The following ADAR variants were observed in gnomAD, a reference collection of about 807,000 sequenced individuals.
ADAR encodes the protein adenosine deaminase RNA specific, also known as double-stranded RNA-specific adenosine deaminase.
Under a neutral mutation model 113.2 loss-of-function variants are expected in ADAR, and 41 were observed. The observed-to-expected ratio is 0.36, with a 90% CI of 0.28 to 0.47. The LOEUF (loss-of-function observed/expected upper bound fraction) is 0.47, where lower values mean the gene tolerates loss of function less well. ADAR is among the 20% of genes least tolerant of loss of function. The pLI, the probability that ADAR is intolerant of heterozygous loss-of-function variation, is 1.00. For missense variants in ADAR, 1,242 were observed against 1,540.9 expected, an observed-to-expected ratio of 0.81 and a Z score of 3.25; for synonymous variants, 605 against 572.6, an observed-to-expected ratio of 1.06 and a Z score of -0.81.
chr1:154,627,906 C>T lies in ADAR; in HGVS notation c.-922G>A, dbSNP rs114277815. ...GCCGGACACCCGGAGACTGCCAGTG[C>T]GGCCGCGACCCTCCCCCCACCCTCC... On this transcript the variant is annotated 5_prime_UTR_variant, in exon 1 of 15. Coordinates refer to the ADAR transcript ENST00000368471. 1,783 of 518,182 alleles carry T rather than the reference C, an allele frequency of 3.4e-3. 28 individuals carry two copies. Among genetic ancestry groups the T allele is most frequent in the African/African-American group, 0.032 (1,643 of 51,976 alleles). The allele number at this position is 518,182 out of a possible 1,614,324, so 32.1% of individuals were successfully genotyped here.
intron 1 of ADAR, among the ~76,000 whole-genome samples, chr1:154,623,609 A>G (rs1557906800): frequency 6.6e-6 from 1 of 152,142 alleles, no homozygotes; most frequent in African/African-American, 2.4e-5. Context: ...TGGTCTCCCT[A>G]TTTCCTTGTC....
chr1:154,611,991 C>A (rs1039557154), upstream of ADAR, among the ~76,000 whole-genome samples: 1 of 152,188 alleles, frequency 6.6e-6, no homozygotes, highest in Admixed American at 6.5e-5. Flanking sequence ...CCCTGCTATT[C>A]TTGCTTTTTA....
chr1:154,585,086 G>C, intron 14 of ADAR, 43 bp from the exon 15 acceptor site: 1 of 1,612,166 alleles, frequency 6.2e-7, no homozygotes, highest in Non-Finnish European at 8.5e-7. Context: ...GGACCTGTAA[G>C]ATAAGGAGCT....
intron 6 of ADAR, among the ~76,000 whole-genome samples, chr1:154,596,052 G>A (rs569494687): frequency 2.6e-5 from 4 of 152,286 alleles, no homozygotes; most frequent in Admixed American, 2.0e-4. Flanking sequence ...CAGCCTGTAC[G>A]TGTGTAGGAG....
chr1:154,597,134 A>G lies in ADAR; in HGVS notation c.2068T>C (p.Ser690Pro), dbSNP rs1352917778. The change falls in exon 5 of 15, where the codon TCT becomes CCT. Residue 690 changes from serine (S) to proline (P), a missense_variant. Ser to Pro is a moderately conservative substitution (Grantham distance 74). This residue lies in a region of ADAR where 780 missense variants were observed against 1,057.9 expected (regional missense o/e 0.74). Coordinates refer to ENST00000368474, the MANE Select transcript of ADAR (RefSeq NM_001111.5). The stretch of plus-strand genomic sequence containing the variant: ...GGAAAACGCCCTACCTGGTTATCAG[A>G]AGCCATGGAGTTGGTCGCCTCCCCA... ...LHGEATNSMASDNQPEGMISE... is the reference protein window; with the variant it reads ...LHGEATNSMAPDNQPEGMISE... 5.6e-6 allele frequency: 9 copies of G among 1,614,214 alleles called. No homozygotes were observed. Among genetic ancestry groups the G allele is most frequent in the Non-Finnish European group, 7.6e-6 (9 of 1,180,038 alleles).
chr1:154,605,651 C>T (rs1322184480), intron 1 of ADAR, among the ~76,000 whole-genome samples: 2 of 152,176 alleles, frequency 1.3e-5, no homozygotes, highest in Admixed American at 1.3e-4. Flanking sequence ...TGATTCTCAA[C>T]AAACATTTGT....
chr1:154,612,438 C>T (rs375848567), upstream of ADAR, among the ~76,000 whole-genome samples: 46 of 148,018 alleles, frequency 3.1e-4, no homozygotes, highest in African/African-American at 1.1e-3. Context: ...CGCCATTCTC[C>T]TGCCTCAGCC....
At chr1:154,622,155 A>AT (rs1336828038) in intron 1 of ADAR, among the ~76,000 whole-genome samples, 1 of 152,104 alleles carries the variant, frequency 6.6e-6, no homozygotes, top group Non-Finnish European at 1.5e-5. Context: ...TGAGCCACTG[A>AT]TTCCCCACCT....
chr1:154,589,736 A>G, intron 8 of ADAR, 21 bp downstream of exon 8: 1 of 1,614,098 alleles, frequency 6.2e-7, no homozygotes, highest in Non-Finnish European at 8.5e-7. Flanking sequence ...GGGAGGCGGC[A>G]TGTCTCAGAG....
At chr1:154,598,184 C>A (rs74638504) in intron 3 of ADAR, among the ~76,000 whole-genome samples, 19 of 152,130 alleles carry the variant, frequency 1.2e-4, no homozygotes, top group Non-Finnish European at 2.4e-4. Flanking sequence ...CTTTCAAGTC[C>A]GAAATTCTGT....
exon 1 of ADAR, chr1:154,627,856 G>T (rs747574192): frequency 1.9e-6 from 1 of 517,754 alleles, no homozygotes; most frequent in East Asian, 5.5e-5. Context: ...GGCTCTTACC[G>T]GGTCTTGCAC....
chr1:154,621,805 T>A (rs1481635604), intron 1 of ADAR, among the ~76,000 whole-genome samples: 1 of 152,220 alleles, frequency 6.6e-6, no homozygotes, highest in African/African-American at 2.4e-5. Flanking sequence ...AAATCAGGAC[T>A]AAGCACTACA....
intron 3 of ADAR, 103 bp downstream of exon 3, chr1:154,598,299 G>A (rs570512588): frequency 9.4e-5 from 121 of 1,293,804 alleles, no homozygotes; most frequent in African/African-American, 1.9e-4. Context: ...AGCTGACTCC[G>A]AGATGGTGTC....
chr1:154,602,766 G>GCCAA, intron 1 of ADAR, 140 bp from the exon 2 acceptor site: 3 of 1,075,878 alleles, frequency 2.8e-6, no homozygotes, highest in Non-Finnish European at 3.9e-6. Context: ...GACTTGGCTA[G>GCCAA]GGTGACTTGC....
intron 14 of ADAR, 85 bp downstream of exon 14, chr1:154,585,132 C>G: frequency 1.2e-6 from 2 of 1,613,474 alleles, no homozygotes; most frequent in Non-Finnish European, 1.7e-6. Flanking sequence ...AGGCGGCTCT[C>G]AAGCCCTGAG....
chr1:154,584,979 A>G lies in ADAR; in HGVS notation c.3508T>C (p.Ser1170Pro), dbSNP rs1421337670. Residue 1170 changes from serine (S) to proline (P), a missense_variant, in exon 15 of 15, where the codon TCC becomes CCC. Around this residue, in one of 2 missense-constraint regions of ADAR, gnomAD observed 780 missense variants for 1,057.9 expected, o/e 0.74. Transcript: ENST00000368474. ...AGTAGATCCCTGCGGTAACGGAAGG[A>G]GCAGAGCTTCTTAAATAGAAGAAAA... Reference protein sequence around the residue: ...NIFLLFKKLCSFRYRRDLLRL... With the variant: ...NIFLLFKKLCPFRYRRDLLRL... The G allele has an allele frequency of 1.2e-6, 2 of 1,614,206 alleles. No individual in the cohort carries two copies. The highest frequency in any genetic ancestry group is 1.7e-6 in the Non-Finnish European group (2 of 1,180,036).
intron 7 of ADAR, 49 bp downstream of exon 7, chr1:154,590,135 A>AGGGGGGG: frequency 3.3e-6 from 4 of 1,205,028 alleles, no homozygotes; most frequent in Non-Finnish European, 4.8e-6. Context: ...CTTAGGAGTT[A>AGGGGGGG]GGAGGACCCC....
rs762747734 is a variant in ADAR, at chr1:154,586,289, G to C, written c.3094C>G (p.Arg1032Gly). 1 of 1,614,056 alleles carries C rather than the reference G, an allele frequency of 6.2e-7. No individual in the cohort carries two copies. The highest frequency in any genetic ancestry group is 1.3e-5 in the African/African-American group (1 of 74,904). The change falls in exon 12 of 15, where the codon CGT (arginine) becomes GGT (glycine). Residue 1032 changes from arginine (R) to glycine (G), a missense_variant. Coordinates refer to ENST00000368474, the MANE Select transcript of ADAR (RefSeq NM_001111.5). ...ATTTTGTCACTACAGGACATGGTAC[G>C]GAGTCTCTCCCCGAGCCGAATGCCA... ...WDGIRLGERL[R>G]TMSCSDKILR...
intron 1 of ADAR, 136 bp from the exon 2 acceptor site, chr1:154,602,762 G>GCAAGTCACC: frequency 1.8e-6 from 2 of 1,124,982 alleles, no homozygotes; most frequent in Non-Finnish European, 2.5e-6. Flanking sequence ...TTATGACTTG[G>GCAAGTCACC]CTAGGGTGAC....
Sources: allele counts gnomAD v4.1 joint callset (sites outside exome capture counted in the v4.1 genomes callset), GRCh38; gene constraint gnomAD v4.1.1; regional missense constraint gnomAD v4.1.1; transcripts MANE v1.5; gene names NCBI Gene and HGNC (gene_info 2026-07-23, HGNC 2026-07-21).